The following IHO1 variants were observed in gnomAD, a reference collection of about 807,000 sequenced individuals.
IHO1 encodes the protein interactor of HORMAD1 protein 1.
IHO1 carries 13 observed loss-of-function variants against 31.0 expected under a neutral mutation model. The ratio of observed to expected loss-of-function variants is 0.42; its 90% CI spans 0.27 to 0.67. The LOEUF (loss-of-function observed/expected upper bound fraction) is 0.67, where lower values mean the gene tolerates loss of function less well. Ranked by LOEUF, IHO1 falls within the 30% of genes least tolerant of loss-of-function variation. The pLI is 0.24. For synonymous variants in IHO1, 221 were observed against 248.4 expected (o/e 0.89, Z 1.04); for missense variants, 599 against 687.5 (o/e 0.87, Z 1.44).
chr3:49,207,755 T>A (rs2046157572), intron 1 of IHO1, among the ~76,000 whole-genome samples: 1 of 151,780 alleles, frequency 6.6e-6, no homozygotes, highest in Non-Finnish European at 1.5e-5. Flanking sequence ...GATTCCTTTA[T>A]TAATTTCTAC....
intron 2 of IHO1, among the ~76,000 whole-genome samples, chr3:49,213,625 C>A (rs2046249745): frequency 6.6e-6 from 1 of 152,234 alleles, no homozygotes; most frequent in Non-Finnish European, 1.5e-5. Flanking sequence ...CACGTAGGAG[C>A]CCATGGTGGG....
At chr3:49,253,329 G>A (rs1224666665) in intron 6 of IHO1, among the ~76,000 whole-genome samples, 2 of 152,028 alleles carry the variant, frequency 1.3e-5, no homozygotes, top group African/African-American at 4.8e-5. Context: ...GGAGGCTGAG[G>A]CTGGAGAACT....
chr3:49,195,507 G>A (rs1035912964), upstream of IHO1, among the ~76,000 whole-genome samples: 2 of 151,294 alleles, frequency 1.3e-5, no homozygotes, highest in African/African-American at 4.9e-5. Flanking sequence ...CATGAGGTCA[G>A]GAGATAGAGA....
chr3:49,195,351 G>A (rs1431855609), upstream of IHO1, among the ~76,000 whole-genome samples: 1 of 151,868 alleles, frequency 6.6e-6, no homozygotes, highest in African/African-American at 2.4e-5. Context: ...GAACCTGGAA[G>A]GCAGAGGTTG....
the IHO1 span, among the ~76,000 whole-genome samples, chr3:49,192,019 A>G: frequency 1.3e-5 from 2 of 152,256 alleles, no homozygotes; most frequent in Admixed American, 6.5e-5. Context: ...CCTTATATAT[A>G]GAAACACACA....
chr3:49,219,901 C>G (rs1317853107), intron 2 of IHO1, among the ~76,000 whole-genome samples: 2 of 152,164 alleles, frequency 1.3e-5, no homozygotes, highest in Non-Finnish European at 2.9e-5. Context: ...GGTAATGGAG[C>G]AGGTTTGCTT....
At chr3:49,192,506 C>T in the IHO1 span, among the ~76,000 whole-genome samples, 1 of 152,168 alleles carries the variant, frequency 6.6e-6, no homozygotes, top group African/African-American at 2.4e-5. Flanking sequence ...ACACCCAAGA[C>T]CCTGCTAGTG....
intron 2 of IHO1, among the ~76,000 whole-genome samples, chr3:49,223,617 G>GGA (rs2046381841): frequency 6.6e-6 from 1 of 152,024 alleles, no homozygotes; most frequent in Non-Finnish European, 1.5e-5. Flanking sequence ...CGCGAACCCG[G>GGA]GAGGCAGAGC....
Position 49,236,722 on chromosome 3 carries a change from G to A in IHO1, c.231G>A (p.Glu77=). The change falls in exon 3 of 8, where the codon GAG becomes GAA. Residue 77 remains glutamate (E), a splice_region_variant and synonymous_variant. Transcript: ENST00000452691. ...AACAGTCACAACAGAACTATCTGGAGGTGAGTCTGGTTTCCAGAATTGATC... is the reference window on the plus strand; with the variant it reads ...AACAGTCACAACAGAACTATCTGGAAGTGAGTCTGGTTTCCAGAATTGATC... The part of the protein sequence containing the change: ...HSKQSQQNYL[E]GEPSIFTKYQ... The A allele has an allele frequency of 1.2e-6, 2 of 1,608,378 alleles. No homozygotes were observed. The highest frequency in any genetic ancestry group is 1.7e-6 in the Non-Finnish European group (2 of 1,177,936).
At chr3:49,228,253 T>C in intron 2 of IHO1, 1 of 436,590 alleles carries the variant, frequency 2.3e-6, no homozygotes, top group Non-Finnish European at 4.6e-6. Context: ...ATGGCTTTCC[T>C]CTCTGTCAAC....
At chr3:49,255,270 G>A in intron 6 of IHO1, 120 bp from the exon 7 acceptor site, 3 of 633,294 alleles carry the variant, frequency 4.7e-6, no homozygotes, top group South Asian at 2.3e-5. Flanking sequence ...AGAGCCTGGA[G>A]GAACCACTCC....
chr3:49,194,460 C>G (rs928682417), upstream of IHO1, among the ~76,000 whole-genome samples: 2 of 146,342 alleles, frequency 1.4e-5, no homozygotes, highest in African/African-American at 2.5e-5. Flanking sequence ...CCCACCACCC[C>G]GCCTGGCTAA....
chr3:49,246,876 C>T lies in IHO1; in HGVS notation c.532+2143C>T, dbSNP rs563209905. Among the ~76,000 whole-genome samples the T allele has an allele frequency of 4.8e-3, 717 of 148,298 alleles. 4 individuals are homozygous for T. Among genetic ancestry groups the T allele is most frequent in the Non-Finnish European group, 7.7e-3 (518 of 67,278 alleles). ...TTCTTTTCTTTTTTTTTTTTTGAGACGAACTCTCACTCTTGTCCCCCAGGC... is the reference window on the plus strand; with the variant it reads ...TTCTTTTCTTTTTTTTTTTTTGAGATGAACTCTCACTCTTGTCCCCCAGGC... On this transcript the variant is annotated intron_variant, in intron 6 of 7. Transcript: ENST00000452691.
In IHO1 at chr3:49,229,702, C is replaced by T. The variant is rs1024225415; in HGVS notation, c.57-6846C>T. On this transcript the variant is annotated intron_variant, in intron 2 of 7. Coordinates refer to ENST00000452691, the MANE Select transcript of IHO1 (RefSeq NM_001135197.2). The stretch of plus-strand genomic sequence containing the variant: ...TTCAATCATTTCTCTTCAGCATGGC[C>T]GTCAACATGGCCAATTCAACCCACT... 1.4e-4 allele frequency among the ~76,000 whole-genome samples: 21 copies of T among 152,286 alleles called. 1 individual carries two copies. The highest frequency in any genetic ancestry group is 6.8e-3 in the Middle Eastern group (2 of 294).
chr3:49,246,442 C>G (rs1188165983), intron 6 of IHO1, among the ~76,000 whole-genome samples: 1 of 151,910 alleles, frequency 6.6e-6, no homozygotes, highest in East Asian at 1.9e-4. Context: ...GCCAGGAGTT[C>G]GAGACCAGCC....
At chr3:49,200,894 T>A (rs904348450) in intron 1 of IHO1, among the ~76,000 whole-genome samples, 7 of 152,144 alleles carry the variant, frequency 4.6e-5, no homozygotes, top group African/African-American at 1.4e-4. Flanking sequence ...ACAGGTAGCA[T>A]GGAGATAAAT....
chr3:49,237,325 A>G (rs1035063185), intron 3 of IHO1, among the ~76,000 whole-genome samples: 1 of 152,130 alleles, frequency 6.6e-6, no homozygotes, highest in African/African-American at 2.4e-5. Context: ...CTATCCTGGG[A>G]GATAGAGCAT....
At chr3:49,218,267 C>T (rs764425081) in intron 2 of IHO1, among the ~76,000 whole-genome samples, 1 of 151,858 alleles carries the variant, frequency 6.6e-6, no homozygotes, top group African/African-American at 2.4e-5. Flanking sequence ...CCGGCTCTCT[C>T]TCTCTCTTTC....
At chr3:49,249,281 T>C (rs1032388678) in intron 6 of IHO1, among the ~76,000 whole-genome samples, 1 of 152,036 alleles carries the variant, frequency 6.6e-6, no homozygotes, top group African/African-American at 2.4e-5. Context: ...CAACATTTTT[T>C]TTTTTTTGAG....
Sources: allele counts gnomAD v4.1 joint callset (sites outside exome capture counted in the v4.1 genomes callset), GRCh38; gene constraint gnomAD v4.1.1; transcripts MANE v1.5; gene names NCBI Gene and HGNC (gene_info 2026-07-23, HGNC 2026-07-21).